The following IQGAP2 variants were observed in gnomAD, a reference collection of about 807,000 sequenced individuals.
IQGAP2 encodes ras GTPase-activating-like protein IQGAP2.
IQGAP2 carries 173 observed loss-of-function variants against 201.3 expected under a neutral mutation model. The ratio of observed to expected loss-of-function variants is 0.86; its 90% CI spans 0.76 to 0.98. IQGAP2 has a LOEUF of 0.98. Among genes scored for constraint, IQGAP2 ranks in the 50% least tolerant of loss-of-function variants. IQGAP2 has a pLI of 0.00. For missense variants in IQGAP2, 1,687 were observed against 1,864.8 expected, an observed-to-expected ratio of 0.90 and a Z score of 1.76; for synonymous variants, 675 against 673.9, an observed-to-expected ratio of 1.00 and a Z score of -0.03.
At chr5:76,542,170 G>A (rs966761107) in intron 2 of IQGAP2, among the ~76,000 whole-genome samples, 1 of 152,108 alleles carries the variant, frequency 6.6e-6, no homozygotes, top group African/African-American at 2.4e-5. Flanking sequence ...AAAATTGATA[G>A]AGATGGTGTC....
chr5:76,549,823 T>C (rs1186233612), intron 2 of IQGAP2, among the ~76,000 whole-genome samples: 1 of 152,036 alleles, frequency 6.6e-6, no homozygotes, highest in Non-Finnish European at 1.5e-5. Flanking sequence ...AACTTAACCA[T>C]CTCTTTAAAG....
chr5:76,565,303 C>G (rs574745984), intron 3 of IQGAP2, among the ~76,000 whole-genome samples: 253 of 152,284 alleles, frequency 1.7e-3, no homozygotes, highest in African/African-American at 5.3e-3. Context: ...GCTCTCGCTG[C>G]AGGGTCTGCC....
At chr5:76,434,773 A>G (rs1414079117) in intron 1 of IQGAP2, among the ~76,000 whole-genome samples, 1 of 152,134 alleles carries the variant, frequency 6.6e-6, no homozygotes, top group Non-Finnish European at 1.5e-5. Flanking sequence ...TCTTTAAGAA[A>G]TCTTCATAGT....
In IQGAP2 at chr5:76,640,951, A is replaced by G. The variant is rs1469791626; in HGVS notation, c.1942A>G (p.Thr648Ala). ...TTGCCAGGACATTATTGAGGAAGTC[A>G]CAGTAGGTTACATTCGTGAGAATAT... is the stretch of plus-strand genomic sequence containing the variant. ...KEIEDIIEEV[T>A]VGYIRENIWS... Residue 648 changes from threonine to alanine, a missense_variant, in exon 17 of 36, where the codon ACA (threonine) becomes GCA (alanine). Transcript: ENST00000274364. 7 of 1,590,866 alleles carry G rather than the reference A, an allele frequency of 4.4e-6. 1 individual carries two copies. The South Asian group carries it at 7.8e-5, about 18-fold the overall frequency.
chr5:76,495,864 G>C (rs1218516623), intron 2 of IQGAP2, among the ~76,000 whole-genome samples: 1 of 152,154 alleles, frequency 6.6e-6, no homozygotes, highest in African/African-American at 2.4e-5. Flanking sequence ...ATTCTTGAGG[G>C]ATCTGCCTCC....
chr5:76,642,291 C>T lies in IQGAP2; in HGVS notation c.2094+1188C>T, dbSNP rs149220098. On this transcript the variant is annotated intron_variant, in intron 17 of 35. Transcript: ENST00000274364. ...AGCAGTGTTGCAGTTGGAAGATATA[C>T]CACAGAGCCCACCAGTACAGAATCC... 2.9e-3 allele frequency among the ~76,000 whole-genome samples: 434 copies of T among 152,198 alleles called. 1 individual carries two copies. Among genetic ancestry groups the T allele is most frequent in the African/African-American group, 1.0e-2 (415 of 41,522 alleles).
intron 2 of IQGAP2, among the ~76,000 whole-genome samples, chr5:76,463,294 A>T (rs2150127769): frequency 6.6e-6 from 1 of 152,258 alleles, no homozygotes; most frequent in East Asian, 1.9e-4. Flanking sequence ...TGTCATGTAG[A>T]GGAAAATGAT....
chr5:76,601,078 A>C, intron 11 of IQGAP2, 106 bp downstream of exon 11: 67 of 1,069,368 alleles, frequency 6.3e-5, no homozygotes, highest in Non-Finnish European at 8.4e-5. Flanking sequence ...TACCATGCTC[A>C]TGTTTCTTGA....
intron 1 of IQGAP2, among the ~76,000 whole-genome samples, chr5:76,404,077 G>A (rs1750660518): frequency 6.6e-6 from 1 of 152,206 alleles, no homozygotes; most frequent in Non-Finnish European, 1.5e-5. Flanking sequence ...GACTGGAAGG[G>A]CGGGAGTCTC....
At chr5:76,677,127 A>G (rs752355448) in intron 27 of IQGAP2, 91 bp from the exon 28 acceptor site, 33 of 1,274,142 alleles carry the variant, frequency 2.6e-5, no homozygotes, top group Non-Finnish European at 3.6e-5. Flanking sequence ...AACAAAGTAC[A>G]TGTCATCATT....
At chr5:76,489,133 G>T (rs1287004464) in intron 2 of IQGAP2, among the ~76,000 whole-genome samples, 2 of 152,046 alleles carry the variant, frequency 1.3e-5, no homozygotes, top group Admixed American at 6.6e-5. Context: ...TCCGTGCCTC[G>T]CAGTGGTAGG....
At chr5:76,501,945 T>A (rs1757306226) in intron 2 of IQGAP2, among the ~76,000 whole-genome samples, 1 of 152,124 alleles carries the variant, frequency 6.6e-6, no homozygotes, top group Non-Finnish European at 1.5e-5. Flanking sequence ...TCCTGGCCCC[T>A]GCTGCATTTT....
chr5:76,567,063 A>C (rs1744800057), intron 3 of IQGAP2, among the ~76,000 whole-genome samples: 1 of 152,290 alleles, frequency 6.6e-6, no homozygotes, highest in African/African-American at 2.4e-5. Context: ...GGTTTATAAT[A>C]AATTCTTGTC....
At position 76,459,382 on chromosome 5, in the gene IQGAP2, A is replaced by G. The variant is rs140931253; in HGVS notation, c.47-2188A>G. ...ATGTGACTCCAGTGCCCACTCTTCC[A>G]AGTTGGGGATGGTGTGACAAGCACA... On this transcript the variant is annotated intron_variant, in intron 1 of 35. Transcript: ENST00000274364. Among the ~76,000 whole-genome samples, 9 of 152,244 alleles carry G rather than the reference A, an allele frequency of 5.9e-5. No individual in the cohort carries two copies. The East Asian group carries it at 1.7e-3, about 29-fold the overall frequency.
In IQGAP2 at chr5:76,403,325, A is replaced by T. The variant is rs1750612133; in HGVS notation, c.-221A>T. On this transcript the variant is annotated 5_prime_UTR_variant, in exon 1 of 36. Transcript: ENST00000274364. The surrounding 1 kb of genome is among the most constrained non-coding windows in gnomAD (Gnocchi z 4.8). ...GGCGGCGGCGACCGGCCAGGGAGCGAGGGAGGAGAGTTCACTTTTACTTCA... is the reference window on the plus strand; with the variant it reads ...GGCGGCGGCGACCGGCCAGGGAGCGTGGGAGGAGAGTTCACTTTTACTTCA... 2 of 378,670 alleles carry T rather than the reference A, an allele frequency of 5.3e-6. No homozygotes were observed. The allele number at this position is 378,670 out of a possible 1,614,324, so 23.5% of individuals were successfully genotyped here.
intron 2 of IQGAP2, among the ~76,000 whole-genome samples, chr5:76,527,669 C>T (rs190265438): frequency 5.2e-4 from 79 of 152,278 alleles, no homozygotes; most frequent in Admixed American, 3.3e-3. Flanking sequence ...GGTTCCTGTG[C>T]CTTGGCCATC....
At chr5:76,572,787 A>G (rs1338078999) in intron 4 of IQGAP2, among the ~76,000 whole-genome samples, 1 of 152,174 alleles carries the variant, frequency 6.6e-6, no homozygotes, top group African/African-American at 2.4e-5. Flanking sequence ...GCTGGAGGTC[A>G]AGAGGATAAG....
chr5:76,694,111 A>G (rs1172487811), intron 31 of IQGAP2: 1 of 152,190 alleles, frequency 6.6e-6, no homozygotes, highest in African/African-American at 2.4e-5. Flanking sequence ...TTGATTGCCA[A>G]GGAATCCTTG....
chr5:76,412,774 C>G (rs979018053), intron 1 of IQGAP2, among the ~76,000 whole-genome samples: 1 of 152,192 alleles, frequency 6.6e-6, no homozygotes, highest in African/African-American at 2.4e-5. Context: ...ATCTTGGCAG[C>G]TTTCAGATGC....
Sources: gnomAD v4.1 joint callset for allele counts (sites outside exome capture counted in the v4.1 genomes callset) on GRCh38, gnomAD v4.1.1 for gene constraint, Gnocchi (gnomAD v3.1) non-coding constraint, MANE v1.5 for transcripts, NCBI Gene and HGNC (gene_info 2026-07-23, HGNC 2026-07-21) for gene names.